DPP6: variants seen among roughly 807,000 people sequenced by gnomAD.
The protein encoded by DPP6 is dipeptidyl peptidase like 6, also known as A-type potassium channel modulatory protein DPP6.
A neutral mutation model predicts 122.6 loss-of-function variants in DPP6; 69 were observed. The ratio of observed to expected loss-of-function variants is 0.56; its 90% CI spans 0.46 to 0.69. DPP6 has a LOEUF of 0.69. Ranked by LOEUF, DPP6 falls within the 30% of genes least tolerant of loss-of-function variation. DPP6 has a pLI of 0.00. For missense variants in DPP6, 928 were observed against 1,116.9 expected (o/e 0.83, Z 2.41); for synonymous variants, 418 against 433.1 (o/e 0.97, Z 0.43).
intron 8 of DPP6, among the ~76,000 whole-genome samples, chr7:154,759,522 T>G (rs1304655339): frequency 6.6e-6 from 1 of 152,226 alleles, no homozygotes; most frequent in Admixed American, 6.5e-5. Context: ...GTGCGGTCTT[T>G]CCTTCCGCTT....
chr7:154,191,422 TA>T (rs1200631662), intron 1 of DPP6, among the ~76,000 whole-genome samples: 4 of 152,228 alleles, frequency 2.6e-5, no homozygotes, highest in Non-Finnish European at 5.9e-5. Context: ...CTTAACCTGT[TA>T]AAATTTTGTG....
At chr7:154,727,221 G>A (rs1433738718) in intron 7 of DPP6, among the ~76,000 whole-genome samples, 1 of 152,176 alleles carries the variant, frequency 6.6e-6, no homozygotes, top group East Asian at 1.9e-4. Context: ...GCATGGTTGG[G>A]GAGGCCTCAG....
the DPP6 span, among the ~76,000 whole-genome samples, chr7:153,815,778 A>T: frequency 1.3e-5 from 2 of 152,192 alleles, no homozygotes; most frequent in African/African-American, 4.8e-5. Flanking sequence ...CTGTATTGTG[A>T]GTTATCTGTG....
intron 1 of DPP6, among the ~76,000 whole-genome samples, chr7:153,955,928 A>G (rs1253737933): frequency 6.6e-6 from 1 of 152,162 alleles, no homozygotes; most frequent in East Asian, 1.9e-4. Context: ...AGGAGGAAGT[A>G]GTGATTGTGT....
intron 7 of DPP6, among the ~76,000 whole-genome samples, chr7:154,693,465 A>T (rs1407505021): frequency 1.3e-5 from 2 of 152,164 alleles, no homozygotes; most frequent in Non-Finnish European, 2.9e-5. Flanking sequence ...AGTGCTAATT[A>T]CCAAGCTCAC....
chr7:154,864,992 C>T (rs550950177), intron 17 of DPP6, among the ~76,000 whole-genome samples: 48 of 152,318 alleles, frequency 3.2e-4, no homozygotes, highest in African/African-American at 9.1e-4. Flanking sequence ...CATTTGAGAT[C>T]GCACACTGAC....
chr7:154,345,431 G>A (rs1289378545), intron 1 of DPP6, among the ~76,000 whole-genome samples: 1 of 152,120 alleles, frequency 6.6e-6, no homozygotes, highest in African/African-American at 2.4e-5. Context: ...CTGAGGGGCT[G>A]GTCAATAGGA....
At chr7:153,903,232 G>A (rs574188361) in intron 1 of DPP6, among the ~76,000 whole-genome samples, 1 of 152,334 alleles carries the variant, frequency 6.6e-6, no homozygotes, top group South Asian at 2.1e-4. Flanking sequence ...GAGCATTTGG[G>A]TTCTGCAGGA....
chr7:154,726,355 A>C (rs1842064208), intron 7 of DPP6, among the ~76,000 whole-genome samples: 1 of 152,160 alleles, frequency 6.6e-6, no homozygotes, highest in Admixed American at 6.5e-5. Flanking sequence ...TACATCCTGA[A>C]ATTTAGGTGG....
chr7:154,541,306 GT>G, intron 4 of DPP6, among the ~76,000 whole-genome samples: 1 of 151,884 alleles, frequency 6.6e-6, no homozygotes, highest in East Asian at 1.9e-4. Context: ...AATTGTTTTT[GT>G]TTTTGTTTGT....
chr7:154,572,510 C>CTTTTTTTTTTTTT (rs77816407), intron 5 of DPP6, among the ~76,000 whole-genome samples: 16 of 86,142 alleles, frequency 1.9e-4, no homozygotes, highest in African/African-American at 5.7e-4. Flanking sequence ...TTTTTCTTTT[C>CTTTTTTTTTTTTT]TTTTTTTTTT....
intron 2 of DPP6, among the ~76,000 whole-genome samples, chr7:154,463,287 A>C (rs1293588368): frequency 7.2e-6 from 1 of 138,700 alleles, no homozygotes; most frequent in African/African-American, 2.7e-5. Flanking sequence ...GACTCACTGC[A>C]AGCTCCGCCT....
intron 7 of DPP6, among the ~76,000 whole-genome samples, chr7:154,676,825 A>G (rs1838942050): frequency 6.6e-6 from 1 of 152,248 alleles, no homozygotes; most frequent in African/African-American, 2.4e-5. Flanking sequence ...GCAGGCTTAC[A>G]GAAGCGAGAA....
intron 1 of DPP6, among the ~76,000 whole-genome samples, chr7:154,386,706 G>A (rs773549354): frequency 3.9e-5 from 6 of 152,128 alleles, no homozygotes; most frequent in Admixed American, 1.3e-4. Flanking sequence ...AGGTTAACTC[G>A]GAACAGGAGA....
At chr7:153,842,322 AT>A in the DPP6 span, among the ~76,000 whole-genome samples, 1 of 152,066 alleles carries the variant, frequency 6.6e-6, no homozygotes, top group Non-Finnish European at 1.5e-5. Flanking sequence ...CTTCTTTGTA[AT>A]TTACCATTCT....
At chr7:153,828,807 A>G in the DPP6 span, among the ~76,000 whole-genome samples, 1 of 152,204 alleles carries the variant, frequency 6.6e-6, no homozygotes, top group South Asian at 2.1e-4. Context: ...GAAATGAGCT[A>G]CCTGAAGGCT....
the DPP6 span, among the ~76,000 whole-genome samples, chr7:153,843,187 C>T: frequency 6.6e-5 from 10 of 151,740 alleles, no homozygotes; most frequent in Admixed American, 2.0e-4. Flanking sequence ...TGCATACACA[C>T]GCGTGCATAC....
intron 17 of DPP6, among the ~76,000 whole-genome samples, chr7:154,867,241 TG>T (rs1803953312): frequency 6.6e-6 from 1 of 152,088 alleles, no homozygotes; most frequent in Non-Finnish European, 1.5e-5. Flanking sequence ...GATGGTGAAA[TG>T]AAACAGAATG....
At chr7:154,085,616 T>C (rs1804352311) in intron 1 of DPP6, among the ~76,000 whole-genome samples, 1 of 152,152 alleles carries the variant, frequency 6.6e-6, no homozygotes, top group South Asian at 2.1e-4. Flanking sequence ...CAGAAGGGAA[T>C]TGAGAAACTG....
Sources: gnomAD v4.1 joint callset for allele counts (sites outside exome capture counted in the v4.1 genomes callset) on GRCh38, gnomAD v4.1.1 for gene constraint, MANE v1.5 for transcripts, NCBI Gene and HGNC (gene_info 2026-07-23, HGNC 2026-07-21) for gene names.